The following DOC2A variants were observed in gnomAD, a reference collection of about 807,000 sequenced individuals.
DOC2A encodes the protein double C2-like domain-containing protein alpha.
In DOC2A, 28 loss-of-function variants were observed where a neutral mutation model predicts 40.6. The observed-to-expected ratio is 0.69, with a 90% CI of 0.51 to 0.95. DOC2A has a LOEUF of 0.95. Ranked by LOEUF, DOC2A falls within the 40% of genes least tolerant of loss-of-function variation. The pLI, the probability that DOC2A is intolerant of heterozygous loss-of-function variation, is 0.00. For missense variants in DOC2A, 474 were observed against 552.5 expected (o/e 0.86, Z 1.42); for synonymous variants, 241 against 236.9 (o/e 1.02, Z -0.16).
chr16:30,014,406 C>T (rs534777117), upstream of DOC2A, among the ~76,000 whole-genome samples: 9 of 152,030 alleles, frequency 5.9e-5, no homozygotes, highest in African/African-American at 1.2e-4. Flanking sequence ...GAGGCCAAGG[C>T]GGGTGGATCA....
chr16:30,009,412 G>A lies in DOC2A; in HGVS notation c.342+66C>T. 23 of 1,519,348 alleles carry A rather than the reference G, an allele frequency of 1.5e-5. 1 individual carries two copies. In the South Asian group the frequency reaches 2.6e-4, roughly 17 times the overall value. 94.1% of individuals were successfully genotyped at this position (1,519,348 alleles called of 1,614,324 possible). A position where few individuals can be genotyped will look rare whatever the true frequency, so the allele number is the denominator to read the frequency against. On this transcript the variant is annotated intron_variant, in intron 3 of 10. Coordinates refer to ENST00000350119, the MANE Select transcript of DOC2A (RefSeq NM_003586.3). This position sits in a 1 kb window ranked among gnomAD's most constrained non-coding sequence, Gnocchi z 4.1. ...AGGAGCAGGCCTGGGAAGGGAAGGA[G>A]GAATGGGCCCCCTCTGGGGGCTGCA...
chr16:30,020,387 T>A (rs2070896245), intron 1 of DOC2A, among the ~76,000 whole-genome samples: 1 of 152,096 alleles, frequency 6.6e-6, no homozygotes, highest in Admixed American at 6.6e-5. Context: ...CTCACATGCC[T>A]TGTGGCTTTG....
chr16:30,010,920 G>A lies in DOC2A; in HGVS notation c.-31C>T. ...GCACCTGCCTCTGCCTCCAACAGGT[G>A]CCCAGGCACTGGGGGGACGGCGGGC... On this transcript the variant is annotated 5_prime_UTR_variant, in exon 1 of 11. Transcript: ENST00000350119. This position sits in a 1 kb window ranked among gnomAD's most constrained non-coding sequence, Gnocchi z 4.2. 9.8e-7 allele frequency: 1 copy of A among 1,019,644 alleles called. No homozygotes were observed. Among genetic ancestry groups the A allele is most frequent in the Non-Finnish European group, 1.2e-6 (1 of 850,138 alleles). 63.2% of individuals were successfully genotyped at this position (1,019,644 alleles called of 1,614,324 possible).
chr16:30,018,397 T>C (rs2070878368), intron 1 of DOC2A, among the ~76,000 whole-genome samples: 1 of 152,106 alleles, frequency 6.6e-6, no homozygotes, highest in Non-Finnish European at 1.5e-5. Flanking sequence ...CATGGCTCAC[T>C]TCAACCTTGA....
chr16:30,014,188 A>AT (rs57889258), upstream of DOC2A, among the ~76,000 whole-genome samples: 1 of 117,624 alleles, frequency 8.5e-6, no homozygotes, highest in African/African-American at 3.2e-5. Context: ...TTTTTTTTTT[A>AT]AATATACAAG....
At chr16:30,019,373 G>A (rs1345642387) in intron 1 of DOC2A, among the ~76,000 whole-genome samples, 1 of 152,086 alleles carries the variant, frequency 6.6e-6, no homozygotes, top group African/African-American at 2.4e-5. Flanking sequence ...GACAGCAGGT[G>A]TAGATGACCC....
chr16:30,020,441 T>C (rs2070896563), intron 1 of DOC2A, among the ~76,000 whole-genome samples: 1 of 151,922 alleles, frequency 6.6e-6, no homozygotes, highest in Non-Finnish European at 1.5e-5. Context: ...GCATGGCGGC[T>C]CACACCTGTC....
At position 30,005,697 on chromosome 16, in the gene DOC2A, G is replaced by T; in HGVS notation, c.*489C>A. On this transcript the variant is annotated 3_prime_UTR_variant, in exon 11 of 11. Coordinates refer to ENST00000350119, the MANE Select transcript of DOC2A (RefSeq NM_003586.3). The stretch of plus-strand genomic sequence containing the variant: ...GGGAGCATCTGCCACCTGCTGGGGA[G>T]GCAGAGACCCTGCAATGGCCACCTC... The T allele has an allele frequency of 1.8e-6, 1 of 547,460 alleles. No individual in the cohort carries two copies. Among genetic ancestry groups the T allele is most frequent in the South Asian group, 2.4e-5 (1 of 41,790 alleles). The allele number at this position is 547,460 out of a possible 1,614,324, so 33.9% of individuals were successfully genotyped here.
rs200107144 is a variant in DOC2A at position 30,007,312 on chromosome 16, T to C, written c.528-13A>G. On this transcript the variant is annotated splice_polypyrimidine_tract_variant and intron_variant, in intron 5 of 10. Coordinates refer to ENST00000350119, the MANE Select transcript of DOC2A (RefSeq NM_003586.3). The stretch of plus-strand genomic sequence containing the variant: ...ACAGACGGCGATCCTGGTCGGGAAC[T>C]GCAGTGTCAGGGCCCCTGGGGTACC... 1.5e-4 allele frequency: 246 copies of C among 1,613,648 alleles called. No individual in the cohort carries two copies. The highest frequency in any genetic ancestry group is 3.3e-4 in the Middle Eastern group (2 of 6,062).
At chr16:30,011,365 C>G (rs2070775672), upstream of DOC2A, 11 of 985,318 alleles carry the variant, frequency 1.1e-5, no homozygotes, top group Non-Finnish European at 1.3e-5. Flanking sequence ...CTCGCAAACA[C>G]GCGGGCTCCC....
At chr16:30,014,410 T>C (rs994552314), upstream of DOC2A, among the ~76,000 whole-genome samples, 1 of 147,394 alleles carries the variant, frequency 6.8e-6, no homozygotes. Flanking sequence ...CCAAGGCGGG[T>C]GGATCACGAG....
In DOC2A at chr16:30,009,687, G is replaced by A. The variant is rs981184350; in HGVS notation, c.263-130C>T. 2 of 942,616 alleles carry A rather than the reference G, an allele frequency of 2.1e-6. No individual in the cohort carries two copies. The highest frequency in any genetic ancestry group is 5.2e-5 in the East Asian group (2 of 38,166). The allele number at this position is 942,616 out of a possible 1,614,324, so 58.4% of individuals were successfully genotyped here. On this transcript the variant is annotated intron_variant, in intron 2 of 10. Coordinates refer to ENST00000350119, the MANE Select transcript of DOC2A (RefSeq NM_003586.3). This position sits in a 1 kb window ranked among gnomAD's most constrained non-coding sequence, Gnocchi z 4.1. ...CGAGTGTGAGTGCAAGAGGCTGAGT[G>A]GGCCCATGCGTGTGTGCGTCTGGGT...
Position 30,006,142 on chromosome 16 carries a change from C to T in DOC2A, c.*44G>A, listed in dbSNP as rs774098440. The T allele has an allele frequency of 3.2e-6, 5 of 1,545,584 alleles. No homozygotes were observed. The South Asian group carries it at 3.6e-5, about 11-fold the overall frequency. On this transcript the variant is annotated 3_prime_UTR_variant, in exon 11 of 11. Coordinates refer to ENST00000350119, the MANE Select transcript of DOC2A (RefSeq NM_003586.3). The surrounding 1 kb of genome is among the most constrained non-coding windows in gnomAD (Gnocchi z 6.2). Reference sequence around the variant, plus strand: ...AACACACTCGTGCGAAGGTTGGGTACTGGACCCGGCTCGATGGGCCTGTGC... The same window carrying T: ...AACACACTCGTGCGAAGGTTGGGTATTGGACCCGGCTCGATGGGCCTGTGC...
rs1176907510 is a variant in DOC2A, at chr16:30,010,684, T to C, written c.-14+219A>G. Among the ~76,000 whole-genome samples, 1 of 152,084 alleles carries C rather than the reference T, an allele frequency of 6.6e-6. No individual in the cohort carries two copies. Among genetic ancestry groups the C allele is most frequent in the East Asian group, 1.9e-4 (1 of 5,186 alleles). Reference sequence around the variant, plus strand: ...ACCCCTCTAGGCTCCAACTGCCCACTGTCCCCTCATTCAGCCCCAGGACCT... The same window carrying C: ...ACCCCTCTAGGCTCCAACTGCCCACCGTCCCCTCATTCAGCCCCAGGACCT... On this transcript the variant is annotated intron_variant, in intron 1 of 10. Coordinates refer to ENST00000350119, the MANE Select transcript of DOC2A (RefSeq NM_003586.3). This position sits in a 1 kb window ranked among gnomAD's most constrained non-coding sequence, Gnocchi z 4.2.
Position 30,010,197 on chromosome 16 carries a change from A to G in DOC2A, c.26T>C (p.Met9Thr), listed in dbSNP as rs2070740814. MRGRRGDR[M>T]TINIQEHMAI... ...CATGTGCTCCTGGATGTTGATGGTC[A>G]TGCGATCGCCCCTGCGGCCCCTCAT... Residue 9 changes from methionine (M) to threonine (T), a missense_variant, in exon 2 of 11, where the codon ATG becomes ACG. Met to Thr is a moderately conservative substitution (Grantham distance 81). Coordinates refer to ENST00000350119, the MANE Select transcript of DOC2A (RefSeq NM_003586.3). This position sits in a 1 kb window ranked among gnomAD's most constrained non-coding sequence, Gnocchi z 4.2. The G allele has an allele frequency of 1.2e-6, 2 of 1,613,850 alleles. No individual in the cohort carries two copies. The highest frequency in any genetic ancestry group is 3.3e-5 in the Admixed American group (2 of 60,008).
In DOC2A at chr16:30,007,046, G is replaced by A; in HGVS notation, c.699C>T (p.Ser233=). Residue 233 remains serine, a synonymous_variant, in exon 7 of 11, where the codon TCC becomes TCT. Coordinates refer to ENST00000350119, the MANE Select transcript of DOC2A (RefSeq NM_003586.3). The part of the protein sequence containing the change: ...SSMSAALRGI[S]CYLKELEQAE... The stretch of plus-strand genomic sequence containing the variant: ...GGTGCCTCACCTCCTTCAGATAACA[G>A]GAGATGCCCCTCAGCGCCGCTGACA... The A allele has an allele frequency of 6.2e-7, 1 of 1,613,928 alleles. No homozygotes were observed. The highest frequency in any genetic ancestry group is 8.5e-7 in the Non-Finnish European group (1 of 1,179,954).
chr16:30,007,339 G>A, intron 5 of DOC2A, 40 bp from the exon 6 acceptor site: 1 of 1,613,144 alleles, frequency 6.2e-7, no homozygotes, highest in Non-Finnish European at 8.5e-7. Flanking sequence ...TGGGGTACCT[G>A]AGCCCCGTTC....
chr16:30,014,129 G>A (rs993026491), upstream of DOC2A, among the ~76,000 whole-genome samples: 1 of 151,418 alleles, frequency 6.6e-6, no homozygotes, highest in Non-Finnish European at 1.5e-5. Flanking sequence ...CAGTGAAATA[G>A]GGTGCAGCCA....
At chr16:30,017,765 T>C (rs2070868582) in intron 1 of DOC2A, among the ~76,000 whole-genome samples, 1 of 151,922 alleles carries the variant, frequency 6.6e-6, no homozygotes, top group African/African-American at 2.4e-5. Flanking sequence ...GAGACCAGCC[T>C]GGCCAACATG....
Sources: gnomAD v4.1 joint callset for allele counts (sites outside exome capture counted in the v4.1 genomes callset) on GRCh38, gnomAD v4.1.1 for gene constraint, Gnocchi (gnomAD v3.1) non-coding constraint, MANE v1.5 for transcripts, NCBI Gene and HGNC (gene_info 2026-07-23, HGNC 2026-07-21) for gene names.